HPCAL4: variants seen among roughly 807,000 people sequenced by gnomAD.
HPCAL4 encodes hippocalcin-like protein 4.
In HPCAL4, 16 loss-of-function variants were observed where a neutral mutation model predicts 18.2. The ratio of observed to expected loss-of-function variants is 0.88; its 90% CI spans 0.59 to 1.33. The LOEUF (loss-of-function observed/expected upper bound fraction) is 1.33. Among genes scored for constraint, HPCAL4 ranks in the 40% most tolerant of loss-of-function variants. The pLI is 0.00. For missense variants in HPCAL4, 214 were observed against 256.6 expected, an observed-to-expected ratio of 0.83 and a Z score of 1.14; for synonymous variants, 80 against 97.5, an observed-to-expected ratio of 0.82 and a Z score of 1.06.
chr1:39,682,650 G>T lies in HPCAL4; in HGVS notation c.462C>A (p.Ile154=). ...CCTTATCCTGGTCCATCTTCTTGAA[G>T]ATCTTGTCCACACGCTGCTGGGGCG... ...GLTPQQRVDK[I]FKKMDQDKDD... is the part of the protein sequence containing the mutation. The change falls in exon 4 of 4, where the codon ATC becomes ATA. Residue 154 remains isoleucine (I), a synonymous_variant. Coordinates refer to ENST00000372844, the MANE Select transcript of HPCAL4 (RefSeq NM_016257.4). 1 of 1,614,224 alleles carries T rather than the reference G, an allele frequency of 6.2e-7. No individual in the cohort carries two copies. Among genetic ancestry groups the T allele is most frequent in the African/African-American group, 1.3e-5 (1 of 75,060 alleles).
chr1:39,685,133 C>T (rs1646662712), intron 1 of HPCAL4, among the ~76,000 whole-genome samples: 1 of 152,220 alleles, frequency 6.6e-6, no homozygotes. Context: ...TGACATTTGG[C>T]TTTTCATTAA....
At chr1:39,685,811 G>C (rs6699019) in intron 1 of HPCAL4, among the ~76,000 whole-genome samples, 127,853 of 150,204 alleles carry the variant, frequency 0.85, 54,589 homozygotes, top group African/African-American at 0.93. Flanking sequence ...ACCCAGGAGG[G>C]AGAGCATGCA....
At position 39,682,466 on chromosome 1, in the gene HPCAL4, G is replaced by A. The variant is rs1397487527; in HGVS notation, c.*70C>T. On this transcript the variant is annotated 3_prime_UTR_variant, in exon 4 of 4. Coordinates refer to ENST00000372844, the MANE Select transcript of HPCAL4 (RefSeq NM_016257.4). ...GAGTGTCCCTCCTCCTGGGAGGCCA[G>A]CCAGAGAGGTCATCAGGTTGGGAGG... 62 of 1,499,174 alleles carry A rather than the reference G, an allele frequency of 4.1e-5. No individual in the cohort carries two copies. The highest frequency in any genetic ancestry group is 2.0e-4 in the Middle Eastern group (1 of 4,936). The allele number at this position is 1,499,174 out of a possible 1,614,324, so 92.9% of individuals were successfully genotyped here. A position where few individuals can be genotyped will look rare whatever the true frequency, so the allele number is the denominator to read the frequency against.
Position 39,680,075 on chromosome 1 carries a change from A to G in HPCAL4, c.*2461T>C, listed in dbSNP as rs939986656. On this transcript the variant is annotated 3_prime_UTR_variant, in exon 4 of 4. Transcript: ENST00000372844. Reference sequence around the variant, plus strand: ...AGTGCTTGAAAATGTGGGGACTTCAACCAAGCTCCTATTTTTTTTGGAAGA... The same window carrying G: ...AGTGCTTGAAAATGTGGGGACTTCAGCCAAGCTCCTATTTTTTTTGGAAGA... 6.5e-6 allele frequency: 1 copy of G among 152,672 alleles called. No homozygotes were observed. Among genetic ancestry groups the G allele is most frequent in the African/African-American group, 2.4e-5 (1 of 41,470 alleles). 9.5% of individuals were successfully genotyped at this position (152,672 alleles called of 1,614,324 possible). A position where few individuals can be genotyped will look rare whatever the true frequency, so the allele number is the denominator to read the frequency against.
At position 39,679,528 on chromosome 1, in the gene HPCAL4, A is replaced by T. The variant is rs1229913817; in HGVS notation, c.*3008T>A. Reference sequence around the variant, plus strand: ...ACAGAGTTGTTGCAATAAGATTGGAATTTAAAGGAGAGTTTGAATATATCA... The same window carrying T: ...ACAGAGTTGTTGCAATAAGATTGGATTTTAAAGGAGAGTTTGAATATATCA... On this transcript the variant is annotated 3_prime_UTR_variant, in exon 4 of 4. Transcript: ENST00000372844. 2.0e-5 allele frequency: 3 copies of T among 152,244 alleles called. No homozygotes were observed. The highest frequency in any genetic ancestry group is 7.2e-5 in the African/African-American group (3 of 41,464). 9.4% of individuals were successfully genotyped at this position (152,244 alleles called of 1,614,324 possible). A position where few individuals can be genotyped will look rare whatever the true frequency, so the allele number is the denominator to read the frequency against.
intron 2 of HPCAL4, 95 bp downstream of exon 2, chr1:39,684,347 T>C: frequency 7.4e-7 from 1 of 1,360,328 alleles, no homozygotes; most frequent in Non-Finnish European, 9.8e-7. Flanking sequence ...CCTCGCCTCT[T>C]CTCATCCCAG....
chr1:39,684,123 G>A lies in HPCAL4; in HGVS notation c.192C>T (p.Phe64=), dbSNP rs756600436. 1 of 1,613,666 alleles carries A rather than the reference G, an allele frequency of 6.2e-7. No individual in the cohort carries two copies. The highest frequency in any genetic ancestry group is 8.5e-7 in the Non-Finnish European group (1 of 1,179,696). ...CGAAGGTGCGGAAAGCGTGCTGCGC[G>A]AACTTGGAGGCGTCGCCGTAGGGGA... is the stretch of plus-strand genomic sequence containing the variant. ...KFFPYGDASK[F]AQHAFRTFDK... is the part of the protein sequence containing the mutation. Residue 64 remains phenylalanine, a synonymous_variant, in exon 3 of 4, where the codon TTC becomes TTT. Coordinates refer to ENST00000372844, the MANE Select transcript of HPCAL4 (RefSeq NM_016257.4).
chr1:39,684,337 C>T lies in HPCAL4; in HGVS notation c.162+105G>A, dbSNP rs1646655944. On this transcript the variant is annotated intron_variant, in intron 2 of 3. Transcript: ENST00000372844. ...CTCGCCTCCCCTCCCACCCCGGGTG[C>T]CTCGCCTCTTCTCATCCCAGGGTGC... 8 of 1,321,184 alleles carry T rather than the reference C, an allele frequency of 6.1e-6. No homozygotes were observed. The Admixed American group carries it at 1.5e-4, about 25-fold the overall frequency. 81.8% of individuals were successfully genotyped at this position (1,321,184 alleles called of 1,614,324 possible).
At chr1:39,687,341 G>T (rs1646683510) in intron 1 of HPCAL4, among the ~76,000 whole-genome samples, 1 of 152,204 alleles carries the variant, frequency 6.6e-6, no homozygotes, top group African/African-American at 2.4e-5. Context: ...CAAGGCTCAG[G>T]GTATAGTCAA....
chr1:39,682,498 T>C lies in HPCAL4; in HGVS notation c.*38A>G, dbSNP rs1242782931. Reference sequence around the variant, plus strand: ...AGGTCATCAGGTTGGGAGGTGGCCATGCCCCTTCTGGCCAGGGACCCTGCC... The same window carrying C: ...AGGTCATCAGGTTGGGAGGTGGCCACGCCCCTTCTGGCCAGGGACCCTGCC... On this transcript the variant is annotated 3_prime_UTR_variant, in exon 4 of 4. Coordinates refer to ENST00000372844, the MANE Select transcript of HPCAL4 (RefSeq NM_016257.4). 3.7e-6 allele frequency: 6 copies of C among 1,606,520 alleles called. No individual in the cohort carries two copies. The Admixed American group carries it at 5.0e-5, about 13-fold the overall frequency.
intron 3 of HPCAL4, among the ~76,000 whole-genome samples, chr1:39,683,522 A>G (rs955610540): frequency 6.6e-5 from 10 of 152,210 alleles, no homozygotes; most frequent in African/African-American, 2.4e-4. Context: ...TGCTTAGTGT[A>G]TCTTCCTCAT....
chr1:39,682,788 A>T (rs1464937471), intron 3 of HPCAL4, 55 bp from the exon 4 acceptor site: 4 of 1,429,574 alleles, frequency 2.8e-6, no homozygotes, highest in Admixed American at 1.7e-5. Context: ...CCCGAGAAGC[A>T]GCGGGTGAAG....
chr1:39,688,781 A>G (rs1570479886), intron 1 of HPCAL4, among the ~76,000 whole-genome samples: 1 of 152,018 alleles, frequency 6.6e-6, no homozygotes, highest in African/African-American at 2.4e-5. Context: ...TTGCTAAGCT[A>G]TTTTCCTCTC....
intron 3 of HPCAL4, among the ~76,000 whole-genome samples, chr1:39,683,461 C>T (rs1218064091): frequency 6.6e-6 from 1 of 152,248 alleles, no homozygotes; most frequent in African/African-American, 2.4e-5. Flanking sequence ...CTGCTGCTAA[C>T]TTTCCATCTT....
At position 39,680,602 on chromosome 1, in the gene HPCAL4, C is replaced by T. The variant is rs1172647285; in HGVS notation, c.*1934G>A. The T allele has an allele frequency of 6.6e-6, 1 of 152,196 alleles. No individual in the cohort carries two copies. 9.4% of individuals were successfully genotyped at this position (152,196 alleles called of 1,614,324 possible). A position where few individuals can be genotyped will look rare whatever the true frequency, so the allele number is the denominator to read the frequency against. On this transcript the variant is annotated 3_prime_UTR_variant, in exon 4 of 4. Transcript: ENST00000372844. ...CCAGTTCCTGGGAGCAATGCAACAT[C>T]CTTGAGGCATTGCTGGATAAACAAC...
chr1:39,684,501 G>A lies in HPCAL4; in HGVS notation c.103C>T (p.Leu35=). The A allele has an allele frequency of 6.2e-7, 1 of 1,613,586 alleles. No homozygotes were observed. The highest frequency in any genetic ancestry group is 1.1e-5 in the South Asian group (1 of 91,014). ...QELKQWYKGF[L]KDCPSGILNL... ...AGGATGCCGCTGGGGCAGTCCTTCA[G>A]GAAGCCCTTGTACCACTGCTTCAGC... Residue 35 remains leucine (L), a synonymous_variant, in exon 2 of 4, where the codon CTG becomes TTG. Transcript: ENST00000372844.
intron 1 of HPCAL4, 84 bp from the exon 2 acceptor site, chr1:39,684,695 G>C: frequency 7.8e-7 from 1 of 1,284,490 alleles, no homozygotes; most frequent in Non-Finnish European, 1.0e-6. Context: ...GCCACACACA[G>C]GGCGGGGTTG....
chr1:39,682,966 C>T (rs1012501076), intron 3 of HPCAL4, among the ~76,000 whole-genome samples: 2 of 152,086 alleles, frequency 1.3e-5, no homozygotes, highest in Admixed American at 6.5e-5. Flanking sequence ...TTACTGCAAC[C>T]TCTGCCTCCT....
chr1:39,685,140 T>C (rs1371828477), intron 1 of HPCAL4, among the ~76,000 whole-genome samples: 1 of 152,258 alleles, frequency 6.6e-6, no homozygotes, highest in Non-Finnish European at 1.5e-5. Flanking sequence ...TGGCTTTTCA[T>C]TAATCCATTC....
Sources: gnomAD v4.1 joint callset for allele counts (sites outside exome capture counted in the v4.1 genomes callset) on GRCh38, gnomAD v4.1.1 for gene constraint, MANE v1.5 for transcripts, NCBI Gene and HGNC (gene_info 2026-07-23, HGNC 2026-07-21) for gene names.